Variants in SV2C observed in about 807,000 individuals in gnomAD.
SV2C encodes the protein solute carrier family 22 member B3.
A neutral mutation model predicts 79.7 loss-of-function variants in SV2C; 49 were observed. That is an observed-to-expected ratio of 0.61 (90% CI 0.49 to 0.78). The LOEUF (loss-of-function observed/expected upper bound fraction) is 0.78, where lower values mean the gene tolerates loss of function less well. Ranked by LOEUF, SV2C falls within the 30% of genes least tolerant of loss-of-function variation. SV2C has a pLI of 0.00. For missense variants in SV2C, 833 were observed against 912.9 expected, an observed-to-expected ratio of 0.91 and a Z score of 1.13; for synonymous variants, 334 against 333.2, an observed-to-expected ratio of 1.00 and a Z score of -0.03.
At chr5:76,259,168 C>T (rs566191542) in intron 4 of SV2C, among the ~76,000 whole-genome samples, 9 of 152,338 alleles carry the variant, frequency 5.9e-5, no homozygotes, top group African/African-American at 2.2e-4. Context: ...TGAGCAGCCT[C>T]ACTTCTGCTT....
At chr5:76,293,657 C>CA (rs1454473794) in intron 8 of SV2C, among the ~76,000 whole-genome samples, 2 of 152,162 alleles carry the variant, frequency 1.3e-5, no homozygotes, top group African/African-American at 4.8e-5. Flanking sequence ...TACCCTCACA[C>CA]CCCCACAGAC....
chr5:76,004,476 C>A, the SV2C span, among the ~76,000 whole-genome samples: 1 of 152,090 alleles, frequency 6.6e-6, no homozygotes, highest in Non-Finnish European at 1.5e-5. Context: ...ATAGACTGGT[C>A]CTTGTCACAT....
the SV2C span, among the ~76,000 whole-genome samples, chr5:76,001,913 A>G: frequency 6.6e-6 from 1 of 152,100 alleles, no homozygotes; most frequent in African/African-American, 2.4e-5. Context: ...AGCAGGGTAC[A>G]CTGTACCCAA....
rs779123910 is a variant in SV2C at position 76,325,410 on chromosome 5, G to T, written c.2047G>T (p.Val683Phe). 6.2e-7 allele frequency: 1 copy of T among 1,614,196 alleles called. No individual in the cohort carries two copies. The highest frequency in any genetic ancestry group is 2.2e-5 in the East Asian group (1 of 44,886). ...AAATGCGCTATGCAAGGCAGCAGCC[G>T]TCCTGGGAAACTTAATATTTGGCTC... ...FLNALCKAAA[V>F]LGNLIFGSLV... The change falls in exon 13 of 13, where the codon GTC becomes TTC. Residue 683 changes from valine (V) to phenylalanine (F), a missense_variant. By Grantham distance (50) the Val-to-Phe change is conservative. Coordinates refer to ENST00000502798, the MANE Select transcript of SV2C (RefSeq NM_014979.4).
At chr5:76,000,501 A>T in the SV2C span, among the ~76,000 whole-genome samples, 3 of 152,168 alleles carry the variant, frequency 2.0e-5, no homozygotes, top group Non-Finnish European at 4.4e-5. Context: ...GGACCCAGGA[A>T]TCTGAATTTT....
At chr5:76,305,715 A>T (rs1748164493) in intron 12 of SV2C, among the ~76,000 whole-genome samples, 1 of 152,230 alleles carries the variant, frequency 6.6e-6, no homozygotes, top group Admixed American at 6.5e-5. Flanking sequence ...AAAAAAAATG[A>T]AACAACCATT....
chr5:76,069,640 G>A, the SV2C span, among the ~76,000 whole-genome samples: 98 of 152,266 alleles, frequency 6.4e-4, no homozygotes, highest in Middle Eastern at 3.4e-3. Flanking sequence ...AGAGGCAGCC[G>A]AATCATTCTA....
the SV2C span, among the ~76,000 whole-genome samples, chr5:76,041,325 C>G: frequency 6.6e-6 from 1 of 152,200 alleles, no homozygotes; most frequent in Non-Finnish European, 1.5e-5. Context: ...TCACCTTTGG[C>G]TTTAGCCCTG....
At chr5:76,275,064 G>A (rs1746981345) in intron 4 of SV2C, among the ~76,000 whole-genome samples, 1 of 152,102 alleles carries the variant, frequency 6.6e-6, no homozygotes. Context: ...TTACTTCTTA[G>A]CTTAAAAATT....
chr5:76,030,281 T>TATTTATTTA, the SV2C span, among the ~76,000 whole-genome samples: 3 of 113,380 alleles, frequency 2.6e-5, no homozygotes, highest in African/African-American at 1.3e-4. Flanking sequence ...TTTTTTTTTT[T>TATTTATTTA]TTTTTTTTTT....
chr5:76,324,487 G>A (rs550297700), intron 12 of SV2C, among the ~76,000 whole-genome samples: 2 of 152,134 alleles, frequency 1.3e-5, no homozygotes, highest in East Asian at 1.9e-4. Context: ...AATGAACTGC[G>A]CTTTATGCCT....
the SV2C span, among the ~76,000 whole-genome samples, chr5:75,904,902 A>T: frequency 2.0e-5 from 3 of 152,240 alleles, no homozygotes; most frequent in African/African-American, 7.2e-5. Context: ...AGATACTGAC[A>T]GTAAGTAGAG....
the SV2C span, among the ~76,000 whole-genome samples, chr5:75,981,297 G>A: frequency 2.6e-5 from 4 of 152,138 alleles, no homozygotes; most frequent in Admixed American, 6.6e-5. Flanking sequence ...ACTGCCCAAA[G>A]CAATTTATAG....
At chr5:75,859,222 A>T in the SV2C span, among the ~76,000 whole-genome samples, 1 of 152,338 alleles carries the variant, frequency 6.6e-6, no homozygotes, top group Non-Finnish European at 1.5e-5. Context: ...TATAAGATTC[A>T]CTTATATTGC....
intron 4 of SV2C, among the ~76,000 whole-genome samples, chr5:76,219,711 T>C (rs1745011872): frequency 6.6e-6 from 1 of 152,212 alleles, no homozygotes; most frequent in Admixed American, 6.5e-5. Flanking sequence ...GTCTATTTAC[T>C]TTCTTGAGAG....
chr5:76,296,054 T>C (rs1747747356), intron 9 of SV2C, 112 bp downstream of exon 9: 5 of 1,033,444 alleles, frequency 4.8e-6, no homozygotes, highest in Non-Finnish European at 6.8e-6. Flanking sequence ...TTTTAGTTTG[T>C]ACATTTAGTC....
chr5:76,066,453 T>TGGGGGGA, the SV2C span, among the ~76,000 whole-genome samples: 1 of 34,412 alleles, frequency 2.9e-5, no homozygotes, highest in Non-Finnish European at 5.3e-5. Flanking sequence ...TGTCTTGGGG[T>TGGGGGGA]GGGGGGAGGG....
chr5:76,287,043 C>A, intron 6 of SV2C, among the ~76,000 whole-genome samples: 1 of 152,134 alleles, frequency 6.6e-6, no homozygotes, highest in Non-Finnish European at 1.5e-5. Flanking sequence ...TGAATTATAT[C>A]ATTATTGATA....
intron 1 of SV2C, among the ~76,000 whole-genome samples, chr5:76,120,908 G>A (rs999188149): frequency 1.4e-4 from 21 of 151,280 alleles, no homozygotes; most frequent in African/African-American, 4.7e-4. Context: ...GGGTCAAATG[G>A]TATTTCCAGT....
Sources: gnomAD v4.1 joint callset for allele counts (sites outside exome capture counted in the v4.1 genomes callset) on GRCh38, gnomAD v4.1.1 for gene constraint, MANE v1.5 for transcripts, NCBI Gene and HGNC (gene_info 2026-07-23, HGNC 2026-07-21) for gene names.